Variants in SOCS4 observed in about 807,000 individuals in gnomAD.
SOCS4 encodes suppressor of cytokine signaling 4.
In SOCS4, 20 loss-of-function variants were observed where a neutral mutation model predicts 34.1. The ratio of observed to expected loss-of-function variants is 0.59; its 90% CI spans 0.41 to 0.85. The LOEUF (loss-of-function observed/expected upper bound fraction) is 0.85, where lower values mean the gene tolerates loss of function less well. SOCS4 is among the 40% of genes least tolerant of loss of function. The pLI is 0.00. For missense variants in SOCS4, 479 were observed against 532.4 expected, an observed-to-expected ratio of 0.90 and a Z score of 0.99; for synonymous variants, 180 against 186.4, an observed-to-expected ratio of 0.97 and a Z score of 0.28.
rs1440403489 is a variant in SOCS4 at position 55,043,679 on chromosome 14, C to G, written c.638C>G (p.Ser213Cys). ...TGTAGAGAAGGTCCTATGACTGGCT[C>G]TGTGATGAACCTGGTTTCAAATAAC... ...ALCREGPMTG[S>C]VMNLVSNNSI... is the part of the protein sequence containing the mutation. The change falls in exon 3 of 3, where the codon TCT becomes TGT. Residue 213 changes from serine (S) to cysteine (C), a missense_variant. Transcript: ENST00000555846. The G allele has an allele frequency of 3.1e-6, 5 of 1,614,018 alleles. No homozygotes were observed. Among genetic ancestry groups the G allele is most frequent in the Non-Finnish European group, 4.2e-6 (5 of 1,180,022 alleles).
chr14:55,043,996 T>C lies in SOCS4; in HGVS notation c.955T>C (p.Leu319=), dbSNP rs1290079659. The C allele has an allele frequency of 6.2e-7, 1 of 1,614,014 alleles. No homozygotes were observed. Among genetic ancestry groups the C allele is most frequent in the Non-Finnish European group, 8.5e-7 (1 of 1,180,022 alleles). ...TCGAGACTCAGCACAGGAAGACTAT[T>C]TATTCTCTGTTAGTTTTAGACGCTA... ...LLRDSAQEDY[L]FSVSFRRYSR... The change falls in exon 3 of 3, where the codon TTA becomes CTA. Residue 319 remains leucine (L), a synonymous_variant. Transcript: ENST00000555846.
chr14:55,048,522 A>C lies in SOCS4; in HGVS notation c.*4158A>C, dbSNP rs1306789233. On this transcript the variant is annotated 3_prime_UTR_variant, in exon 3 of 3. Transcript: ENST00000555846. ...TTTGTAATTTAAGGAAAGAACAGAA[A>C]GCACAAAGGTTTTTCTTTTCTTTAT... 1 of 166,980 alleles carries C rather than the reference A, an allele frequency of 6.0e-6. No individual in the cohort carries two copies. Among genetic ancestry groups the C allele is most frequent in the Non-Finnish European group, 1.5e-5 (1 of 68,134 alleles). The allele number at this position is 166,980 out of a possible 1,614,324, so 10.3% of individuals were successfully genotyped here.
chr14:55,038,541 G>C (rs751531843), intron 2 of SOCS4, among the ~76,000 whole-genome samples: 37 of 152,192 alleles, frequency 2.4e-4, no homozygotes, highest in Admixed American at 2.6e-4. Context: ...TATAAATCTA[G>C]CTGCTGGAGT....
Position 55,043,702 on chromosome 14 carries a change from A to G in SOCS4, c.661A>G (p.Asn221Asp). The change falls in exon 3 of 3, where the codon AAC (asparagine) becomes GAC (aspartate). Residue 221 changes from asparagine to aspartate, a missense_variant. Physicochemically the swap from Asn to Asp is conservative, Grantham distance 23. Coordinates refer to ENST00000555846, the MANE Select transcript of SOCS4 (RefSeq NM_199421.2). ...CTCTGTGATGAACCTGGTTTCAAAT[A>G]ACAGTATAGAAGATAGTGATATGGA... is the stretch of plus-strand genomic sequence containing the variant. ...TGSVMNLVSN[N>D]SIEDSDMDSD... 6.2e-7 allele frequency: 1 copy of G among 1,614,158 alleles called. No homozygotes were observed. The highest frequency in any genetic ancestry group is 1.3e-5 in the African/African-American group (1 of 75,036).
rs2042686684 is a variant in SOCS4 at position 55,047,440 on chromosome 14, TAG to T, written c.*3079_*3080del. On this transcript the variant is annotated 3_prime_UTR_variant, in exon 3 of 3. Transcript: ENST00000555846. Reference sequence around the variant, plus strand: ...TTAAGGTTCCTTTAGCATTTTTGTATAGAGTTATATGTGATCTTTCTATAACC... The same window carrying T: ...TTAAGGTTCCTTTAGCATTTTTGTATAGTTATATGTGATCTTTCTATAACC... 6.0e-6 allele frequency: 1 copy of T among 167,012 alleles called. No individual in the cohort carries two copies. Among genetic ancestry groups the T allele is most frequent in the African/African-American group, 2.4e-5 (1 of 41,448 alleles). The allele number at this position is 167,012 out of a possible 1,614,324, so 10.3% of individuals were successfully genotyped here.
In SOCS4 at chr14:55,049,107, T is replaced by C. The variant is rs2042703407; in HGVS notation, c.*4743T>C. The C allele has an allele frequency of 6.0e-6, 1 of 166,800 alleles. No homozygotes were observed. Among genetic ancestry groups the C allele is most frequent in the African/African-American group, 2.4e-5 (1 of 41,482 alleles). The allele number at this position is 166,800 out of a possible 1,614,324, so 10.3% of individuals were successfully genotyped here. A position where few individuals can be genotyped will look rare whatever the true frequency, so the allele number is the denominator to read the frequency against. ...GTAAAACTGATGTTTGCTTAACTTA[T>C]TTTAAAAGTTGATTACGTTTTCAGA... On this transcript the variant is annotated 3_prime_UTR_variant, in exon 3 of 3. Coordinates refer to ENST00000555846, the MANE Select transcript of SOCS4 (RefSeq NM_199421.2).
chr14:55,038,117 AAG>A (rs905373247), intron 2 of SOCS4, among the ~76,000 whole-genome samples: 16 of 152,320 alleles, frequency 1.1e-4, no homozygotes, highest in African/African-American at 3.8e-4. Context: ...GGTGGCAAGC[AAG>A]AGAGCTTGTG....
In SOCS4 at chr14:55,048,915, A is replaced by C. The variant is rs2042701355; in HGVS notation, c.*4551A>C. On this transcript the variant is annotated 3_prime_UTR_variant, in exon 3 of 3. Coordinates refer to ENST00000555846, the MANE Select transcript of SOCS4 (RefSeq NM_199421.2). ...ACTAACATGATGATAGGTTTTCAAA[A>C]TATCTTTGTAGTGGATGCTGCATAA... The C allele has an allele frequency of 6.0e-6, 1 of 167,038 alleles. No individual in the cohort carries two copies. Among genetic ancestry groups the C allele is most frequent in the Non-Finnish European group, 1.5e-5 (1 of 68,112 alleles). 10.3% of individuals were successfully genotyped at this position (167,038 alleles called of 1,614,324 possible).
chr14:55,042,976 A>T lies in SOCS4; in HGVS notation c.-66A>T. The T allele has an allele frequency of 6.9e-7, 1 of 1,450,140 alleles. No homozygotes were observed. The highest frequency in any genetic ancestry group is 1.4e-5 in the South Asian group (1 of 72,666). 89.8% of individuals were successfully genotyped at this position (1,450,140 alleles called of 1,614,324 possible). On this transcript the variant is annotated 5_prime_UTR_variant, in exon 3 of 3. Coordinates refer to ENST00000555846, the MANE Select transcript of SOCS4 (RefSeq NM_199421.2). ...GATACATCCAGAAAGTGCCCAGAAG[A>T]AACTTCCTGCTGGAAAAAATGAAAA...
chr14:55,041,255 T>C (rs1594614145), intron 2 of SOCS4, among the ~76,000 whole-genome samples: 1 of 152,214 alleles, frequency 6.6e-6, no homozygotes, highest in African/African-American at 2.4e-5. Flanking sequence ...GACAGTCATA[T>C]TTTCTGATAT....
chr14:55,027,471 G>A lies in SOCS4; in HGVS notation c.-220G>A, dbSNP rs2042473340. The stretch of plus-strand genomic sequence containing the variant: ...ACCCCAGTTAAGCTGCGCTCCGGGA[G>A]GTGAGTGGGGGAAGGGTGGCCGCTG... On this transcript the variant is annotated splice_region_variant and 5_prime_UTR_variant, in exon 1 of 3. Transcript: ENST00000555846. 1 of 153,214 alleles carries A rather than the reference G, an allele frequency of 6.5e-6. No homozygotes were observed. Among genetic ancestry groups the A allele is most frequent in the Non-Finnish European group, 1.5e-5 (1 of 68,476 alleles). 9.5% of individuals were successfully genotyped at this position (153,214 alleles called of 1,614,324 possible).
rs184537641 is a variant in SOCS4, at chr14:55,048,222, G to A, written c.*3858G>A. ...GGCATGAGCCACTGTGCCCGGCCAA[G>A]ATCTAACTCACGCTTACTTTTCATT... is the stretch of plus-strand genomic sequence containing the variant. On this transcript the variant is annotated 3_prime_UTR_variant, in exon 3 of 3. Coordinates refer to ENST00000555846, the MANE Select transcript of SOCS4 (RefSeq NM_199421.2). The A allele has an allele frequency of 3.0e-5, 5 of 167,138 alleles. No homozygotes were observed. Among genetic ancestry groups the A allele is most frequent in the African/African-American group, 9.6e-5 (4 of 41,588 alleles). 10.4% of individuals were successfully genotyped at this position (167,138 alleles called of 1,614,324 possible).
chr14:55,049,441 G>A lies in SOCS4; in HGVS notation c.*5077G>A, dbSNP rs1177500148. The A allele has an allele frequency of 6.0e-6, 1 of 166,974 alleles. No homozygotes were observed. Among genetic ancestry groups the A allele is most frequent in the Non-Finnish European group, 1.5e-5 (1 of 68,104 alleles). The allele number at this position is 166,974 out of a possible 1,614,324, so 10.3% of individuals were successfully genotyped here. The stretch of plus-strand genomic sequence containing the variant: ...ATGTAAGTTCAAATAAATTGATCTG[G>A]ATAAATTTTCATTTCTACTTAATTA... On this transcript the variant is annotated 3_prime_UTR_variant, in exon 3 of 3. Coordinates refer to ENST00000555846, the MANE Select transcript of SOCS4 (RefSeq NM_199421.2).
Position 55,045,346 on chromosome 14 carries a change from G to A in SOCS4, c.*982G>A. ...TATTAGCAGCCACAAATTTCCACTG[G>A]TAACCAAAGAGTACCTAAGTAGTTT... On this transcript the variant is annotated 3_prime_UTR_variant, in exon 3 of 3. Coordinates refer to ENST00000555846, the MANE Select transcript of SOCS4 (RefSeq NM_199421.2). 2 of 167,040 alleles carry A rather than the reference G, an allele frequency of 1.2e-5. No individual in the cohort carries two copies. 10.3% of individuals were successfully genotyped at this position (167,040 alleles called of 1,614,324 possible). A position where few individuals can be genotyped will look rare whatever the true frequency, so the allele number is the denominator to read the frequency against.
chr14:55,030,649 A>T (rs1325193402), intron 1 of SOCS4, among the ~76,000 whole-genome samples: 1 of 152,170 alleles, frequency 6.6e-6, no homozygotes, highest in Non-Finnish European at 1.5e-5. Context: ...AGTTCAGTGT[A>T]TGTTGTTTTC....
rs202122469 is a variant in SOCS4, at chr14:55,044,024, G to A, written c.983G>A (p.Ser328Asn). Residue 328 changes from serine to asparagine, a missense_variant, in exon 3 of 3, where the codon AGT (serine) becomes AAT (asparagine). By Grantham distance (46) the Ser-to-Asn change is conservative (BLOSUM62 1). Transcript: ENST00000555846. ...TTCTCTGTTAGTTTTAGACGCTATA[G>A]TCGTTCTCTTCATGCTAGAATTGAA... is the stretch of plus-strand genomic sequence containing the variant. ...YLFSVSFRRYSRSLHARIEQW... is the reference protein window; with the variant it reads ...YLFSVSFRRYNRSLHARIEQW... The A allele has an allele frequency of 8.1e-5, 130 of 1,613,994 alleles. No individual in the cohort carries two copies. The highest frequency in any genetic ancestry group is 1.1e-4 in the Non-Finnish European group (129 of 1,180,010).
chr14:55,045,140 CAT>C lies in SOCS4; in HGVS notation c.*778_*779del, dbSNP rs1443571268. The C allele has an allele frequency of 6.0e-6, 1 of 167,080 alleles. No individual in the cohort carries two copies. The highest frequency in any genetic ancestry group is 1.5e-5 in the Non-Finnish European group (1 of 68,060). The allele number at this position is 167,080 out of a possible 1,614,324, so 10.3% of individuals were successfully genotyped here. A position where few individuals can be genotyped will look rare whatever the true frequency, so the allele number is the denominator to read the frequency against. ...TGCAAGAGCTAAACCATCTTCAAAACATAAATCTTGTTCCTTTCTCATTGGAA... is the reference window on the plus strand; with the variant it reads ...TGCAAGAGCTAAACCATCTTCAAAACAAATCTTGTTCCTTTCTCATTGGAA... On this transcript the variant is annotated 3_prime_UTR_variant, in exon 3 of 3. Coordinates refer to ENST00000555846, the MANE Select transcript of SOCS4 (RefSeq NM_199421.2).
chr14:55,043,223 C>G lies in SOCS4; in HGVS notation c.182C>G (p.Ser61Cys), dbSNP rs200065029. The G allele has an allele frequency of 2.5e-6, 4 of 1,614,200 alleles. No individual in the cohort carries two copies. The change falls in exon 3 of 3, where the codon TCT (serine) becomes TGT (cysteine). Residue 61 changes from serine (S) to cysteine (C), a missense_variant. Ser to Cys is a moderately radical substitution (Grantham distance 112). Transcript: ENST00000555846. Reference sequence around the variant, plus strand: ...AATGGTATAGAGAAAACCGAAGTGTCTTTAAGGAACCAAGAAAGGAAGCAC... The same window carrying G: ...AATGGTATAGAGAAAACCGAAGTGTGTTTAAGGAACCAAGAAAGGAAGCAC... ...TVNGIEKTEV[S>C]LRNQERKHSC...
At chr14:55,032,060 A>G (rs946858705) in intron 2 of SOCS4, 69 bp downstream of exon 2, 2 of 152,190 alleles carry the variant, frequency 1.3e-5, no homozygotes, top group Admixed American at 6.5e-5. Context: ...ATAATAATAT[A>G]TTTGTGAATT....
Sources: gnomAD v4.1 joint callset for allele counts (sites outside exome capture counted in the v4.1 genomes callset) on GRCh38, gnomAD v4.1.1 for gene constraint, MANE v1.5 for transcripts, NCBI Gene and HGNC (gene_info 2026-07-23, HGNC 2026-07-21) for gene names.